GRB10: variants seen among roughly 807,000 people sequenced by gnomAD.
GRB10 encodes growth factor receptor-bound protein 10.
GRB10 carries 20 observed loss-of-function variants against 80.9 expected under a neutral mutation model. The ratio of observed to expected loss-of-function variants is 0.25; its 90% CI spans 0.17 to 0.36. The LOEUF is 0.36. Among genes scored for constraint, GRB10 ranks in the 10% least tolerant of loss-of-function variants. GRB10 has a pLI of 1.00. For synonymous variants in GRB10, 291 were observed against 291.5 expected, an observed-to-expected ratio of 1.00 and a Z score of 0.02; for missense variants, 548 against 747.7, an observed-to-expected ratio of 0.73 and a Z score of 3.12.
chr7:50,789,590 G>A (rs187508573), intron 1 of GRB10, among the ~76,000 whole-genome samples: 2 of 152,242 alleles, frequency 1.3e-5, no homozygotes, highest in Admixed American at 6.5e-5. Context: ...CCTCCCCAGC[G>A]CCCGTTCTCA....
chr7:50,693,937 A>G (rs1345665525), intron 5 of GRB10, among the ~76,000 whole-genome samples: 1 of 151,866 alleles, frequency 6.6e-6, no homozygotes, highest in Admixed American at 6.6e-5. Context: ...AGCCAGCTGG[A>G]GCAACAAAGT....
rs992667555 is a variant in GRB10, at chr7:50,592,841, C to T, written c.*111G>A. The T allele has an allele frequency of 4.0e-6, 5 of 1,260,618 alleles. No homozygotes were observed. The highest frequency in any genetic ancestry group is 2.9e-5 in the African/African-American group (2 of 68,168). 78.1% of individuals were successfully genotyped at this position (1,260,618 alleles called of 1,614,324 possible). On this transcript the variant is annotated 3_prime_UTR_variant, in exon 19 of 19. Coordinates refer to ENST00000401949, the MANE Select transcript of GRB10 (RefSeq NM_001350814.2). ...CGGCTGGCACCGAACAAACCCATCT[C>T]GCTCTGGGTCCCCAGGTGCAGAATC...
intron 8 of GRB10, among the ~76,000 whole-genome samples, chr7:50,624,123 G>A (rs898525431): frequency 4.6e-5 from 7 of 152,198 alleles, no homozygotes; most frequent in African/African-American, 7.2e-5. Flanking sequence ...ATCTGCCTTA[G>A]TATCTGCCTT....
At chr7:50,606,813 G>A (rs568169835) in intron 13 of GRB10, 1 of 256,868 alleles carries the variant, frequency 3.9e-6, no homozygotes, top group Non-Finnish European at 7.6e-6. Flanking sequence ...TACTGCATTC[G>A]ATTCTGTAAG....
intron 7 of GRB10, among the ~76,000 whole-genome samples, chr7:50,636,947 T>C (rs2055160713): frequency 6.6e-6 from 1 of 152,200 alleles, no homozygotes; most frequent in Admixed American, 6.5e-5. Context: ...AAATTTTCTG[T>C]GTTCATTTGA....
At chr7:50,606,249 C>T in intron 14 of GRB10, 88 bp downstream of exon 14, 1 of 1,050,740 alleles carries the variant, frequency 9.5e-7, no homozygotes, top group East Asian at 2.4e-5. Flanking sequence ...CTTCTCTTGC[C>T]CACCCTGTGT....
At chr7:50,762,117 T>C (rs2075831624) in intron 2 of GRB10, 1 of 151,944 alleles carries the variant, frequency 6.6e-6, no homozygotes, top group Non-Finnish European at 1.5e-5. Flanking sequence ...CCGTCACTAT[T>C]TACAGATGAA....
intron 7 of GRB10, among the ~76,000 whole-genome samples, chr7:50,661,559 C>T (rs1232964956): frequency 2.0e-5 from 3 of 152,248 alleles, no homozygotes; most frequent in South Asian, 2.1e-4. Context: ...CATTACTATA[C>T]TTTTTCTTCA....
chr7:50,789,297 A>G (rs1443945711), intron 1 of GRB10, among the ~76,000 whole-genome samples: 1 of 152,186 alleles, frequency 6.6e-6, no homozygotes, highest in Non-Finnish European at 1.5e-5. Context: ...AAGTCCACAA[A>G]CTGCTCTAAG....
chr7:50,619,833 A>G (rs1300338248), intron 8 of GRB10, among the ~76,000 whole-genome samples: 1 of 152,200 alleles, frequency 6.6e-6, no homozygotes, highest in Non-Finnish European at 1.5e-5. Flanking sequence ...TGAAGCCCGC[A>G]CGCACATCAT....
intron 8 of GRB10, among the ~76,000 whole-genome samples, chr7:50,623,327 C>T (rs17544350): frequency 0.36 from 54,107 of 152,170 alleles, 10,525 homozygotes; most frequent in Non-Finnish European, 0.44. Flanking sequence ...AACAGACCAT[C>T]ATTCACTAGG....
At chr7:50,701,732 T>G (rs2064259757) in intron 5 of GRB10, among the ~76,000 whole-genome samples, 2 of 152,206 alleles carry the variant, frequency 1.3e-5, no homozygotes, top group African/African-American at 4.8e-5. Flanking sequence ...TGGTTATCCT[T>G]CCCCCTGCAT....
chr7:50,636,486 A>T (rs1398452986), intron 7 of GRB10, among the ~76,000 whole-genome samples: 1 of 152,188 alleles, frequency 6.6e-6, no homozygotes, highest in Non-Finnish European at 1.5e-5. Flanking sequence ...TCCTCAACAA[A>T]ATACTAGCAA....
At position 50,743,066 on chromosome 7, in the gene GRB10, G is replaced by A. The variant is rs983689246; in HGVS notation, c.-46-10698C>T. Among the ~76,000 whole-genome samples, 3 of 152,222 alleles carry A rather than the reference G, an allele frequency of 2.0e-5. No individual in the cohort carries two copies. In the South Asian group the frequency reaches 6.2e-4, roughly 32 times the overall value. On this transcript the variant is annotated intron_variant, in intron 3 of 18. Coordinates refer to ENST00000401949, the MANE Select transcript of GRB10 (RefSeq NM_001350814.2). ...ATAACTCTTGGGTTTTTTGGCATAT[G>A]CAAATACAAAGAATGCCTTTTAGAA...
At chr7:50,706,273 A>G (rs2065024608) in intron 4 of GRB10, among the ~76,000 whole-genome samples, 1 of 152,016 alleles carries the variant, frequency 6.6e-6, no homozygotes, top group African/African-American at 2.4e-5. Flanking sequence ...AGTAAATACT[A>G]TTTTTTTCAT....
At chr7:50,683,504 T>C (rs189392881) in intron 5 of GRB10, among the ~76,000 whole-genome samples, 3 of 152,212 alleles carry the variant, frequency 2.0e-5, no homozygotes, top group Admixed American at 2.0e-4. Flanking sequence ...TGGGAGGCCG[T>C]GGCGGGTGGA....
chr7:50,773,525 G>C (rs1007005613), intron 2 of GRB10, among the ~76,000 whole-genome samples: 21 of 148,690 alleles, frequency 1.4e-4, no homozygotes, highest in African/African-American at 4.5e-4. Context: ...GAGGAGAGGA[G>C]AGGACAGGAA....
intron 8 of GRB10, among the ~76,000 whole-genome samples, chr7:50,622,580 T>C (rs1234504186): frequency 1.3e-5 from 2 of 151,834 alleles, no homozygotes; most frequent in Non-Finnish European, 2.9e-5. Context: ...GTGTTCTCTG[T>C]GTAAGTTCCA....
intron 13 of GRB10, 136 bp downstream of exon 13, chr7:50,612,605 C>CA (rs2049759893): frequency 1.4e-6 from 1 of 712,184 alleles, no homozygotes; most frequent in African/African-American, 1.8e-5. Context: ...TGCTTAACTA[C>CA]ATTTGATAAA....
Sources: gnomAD v4.1 joint callset for allele counts (sites outside exome capture counted in the v4.1 genomes callset) on GRCh38, gnomAD v4.1.1 for gene constraint, MANE v1.5 for transcripts, NCBI Gene and HGNC (gene_info 2026-07-23, HGNC 2026-07-21) for gene names.